TMEM150B: variants seen among roughly 807,000 people sequenced by gnomAD.
TMEM150B encodes modulator of macroautophagy TMEM150B.
TMEM150B carries 33 observed loss-of-function variants against 25.2 expected under a neutral mutation model. That is an observed-to-expected ratio of 1.31 (90% CI 0.99 to 1.75). The LOEUF is 1.75. TMEM150B is among the 40% of genes most tolerant of loss of function. The pLI, the probability that TMEM150B is intolerant of heterozygous loss-of-function variation, is 0.00. For synonymous variants in TMEM150B, 133 were observed against 134.8 expected (o/e 0.99, Z 0.09); for missense variants, 322 against 306.1 (o/e 1.05, Z -0.39).
rs10412726 is a variant in TMEM150B at position 55,321,059 on chromosome 19, T to G, written c.-23A>C. The G allele has an allele frequency of 0.48, 776,842 of 1,608,048 alleles. 192,596 individuals carry two copies. The highest frequency in any genetic ancestry group is 0.55 in the African/African-American group (41,415 of 74,672). The stretch of plus-strand genomic sequence containing the variant: ...CATGCCGGGCTCTGCAGGTGAAGGA[T>G]CGGGGCTGAGGCTGGACACCTGTCT... On this transcript the variant is annotated 5_prime_UTR_variant, in exon 3 of 8. Transcript: ENST00000326652.
intron 1 of TMEM150B, among the ~76,000 whole-genome samples, chr19:55,323,802 C>CTTTTTTTT (rs367630607): frequency 9.9e-6 from 1 of 100,894 alleles, no homozygotes; most frequent in African/African-American, 4.1e-5. Flanking sequence ...TGCGCCCAAC[C>CTTTTTTTT]TTTTTTTTTT....
intron 1 of TMEM150B, among the ~76,000 whole-genome samples, chr19:55,323,883 TG>T (rs1420230778): frequency 6.9e-6 from 1 of 145,044 alleles, no homozygotes; most frequent in Non-Finnish European, 1.5e-5. Context: ...CTTGGCTCAC[TG>T]GGACCTCCAC....
intron 1 of TMEM150B, among the ~76,000 whole-genome samples, chr19:55,323,507 C>CTT (rs952751873): frequency 2.8e-5 from 4 of 144,596 alleles, no homozygotes; most frequent in Non-Finnish European, 6.1e-5. Flanking sequence ...TCGCCTCTTT[C>CTT]TTTTTTTTTT....
intron 7 of TMEM150B, among the ~76,000 whole-genome samples, chr19:55,315,563 C>T (rs1292796854): frequency 1.3e-5 from 2 of 152,116 alleles, no homozygotes; most frequent in African/African-American, 4.8e-5. Flanking sequence ...AGATCAAGAC[C>T]ATCCTGGCTA....
intron 2 of TMEM150B, 149 bp from the exon 3 acceptor site, chr19:55,321,242 C>G (rs1271956284): frequency 8.4e-7 from 1 of 1,185,496 alleles, no homozygotes; most frequent in Non-Finnish European, 1.1e-6. Context: ...CCACCTATCC[C>G]GCAGTGTTCA....
chr19:55,315,920 ACT>A (rs2088984193), intron 7 of TMEM150B, among the ~76,000 whole-genome samples: 2 of 151,936 alleles, frequency 1.3e-5, no homozygotes, highest in Non-Finnish European at 2.9e-5. Context: ...ACAGAGCAAG[ACT>A]CTGTCTCAAA....
At chr19:55,318,674 A>G (rs1282251642) in intron 6 of TMEM150B, among the ~76,000 whole-genome samples, 1 of 152,196 alleles carries the variant, frequency 6.6e-6, no homozygotes, top group Non-Finnish European at 1.5e-5. Flanking sequence ...TCTGTGGTCC[A>G]TGGGCAATGA....
At chr19:55,323,137 A>G (rs2089249059) in intron 1 of TMEM150B, among the ~76,000 whole-genome samples, 1 of 152,224 alleles carries the variant, frequency 6.6e-6, no homozygotes, top group African/African-American at 2.4e-5. Context: ...AGCCATTTTA[A>G]AGTGTACGAC....
intron 6 of TMEM150B, 66 bp from the exon 7 acceptor site, chr19:55,317,032 C>T (rs2089028432): frequency 6.8e-7 from 1 of 1,473,468 alleles, no homozygotes; most frequent in South Asian, 1.3e-5. Flanking sequence ...ACCAGAGGGG[C>T]CAGGGCCCTT....
chr19:55,316,993 G>T lies in TMEM150B; in HGVS notation c.325-27C>A, dbSNP rs374818015. On this transcript the variant is annotated intron_variant, in intron 6 of 7. Transcript: ENST00000326652. ...TGGGAGGAGAAGGGAGAAGTTGGGA[G>T]GGAGACTCTGGGAAGGAGGGTAAGG... 9 of 1,581,086 alleles carry T rather than the reference G, an allele frequency of 5.7e-6. No homozygotes were observed. In the African/African-American group the frequency reaches 1.2e-4, roughly 22 times the overall value.
chr19:55,313,099 G>C, intron 7 of TMEM150B, 44 bp from the exon 8 acceptor site: 1 of 1,551,032 alleles, frequency 6.4e-7, no homozygotes, highest in Non-Finnish European at 8.7e-7. Flanking sequence ...GACAGACGCG[G>C]AGCCCGGCCT....
At chr19:55,314,653 C>A (rs751103202) in intron 7 of TMEM150B, among the ~76,000 whole-genome samples, 2 of 151,340 alleles carry the variant, frequency 1.3e-5, no homozygotes, top group Non-Finnish European at 1.5e-5. Context: ...GCCCCTGTGG[C>A]TAAACTGATC....
chr19:55,310,338 A>T (rs1042244912), downstream of TMEM150B, among the ~76,000 whole-genome samples: 2 of 152,110 alleles, frequency 1.3e-5, no homozygotes, highest in African/African-American at 4.8e-5. The surrounding 1 kb of genome is among the most constrained non-coding windows in gnomAD (Gnocchi z 5.0). Flanking sequence ...CTTCAAAGCC[A>T]GTGACGCCAT....
rs867800168 is a variant in TMEM150B at position 55,312,917 on chromosome 19, G to T, written c.644C>A (p.Pro215Gln). The change falls in exon 8 of 8, where the codon CCG becomes CAG. Residue 215 changes from proline to glutamine, a missense_variant. Coordinates refer to ENST00000326652, the MANE Select transcript of TMEM150B (RefSeq NM_001282011.2). ...CGGCGGGGGGCTGAGGCTGGGCCAC[G>T]GCTGAACACACAGGGTGCAGCTCTC... ...ALESCTLCVQ[P>Q]WPSLSPPPAS... The T allele has an allele frequency of 1.2e-6, 2 of 1,608,414 alleles. No homozygotes were observed. The highest frequency in any genetic ancestry group is 1.7e-6 in the Non-Finnish European group (2 of 1,177,984).
At chr19:55,319,292 T>C (rs775178416) in intron 6 of TMEM150B, among the ~76,000 whole-genome samples, 2 of 151,932 alleles carry the variant, frequency 1.3e-5, no homozygotes, top group Non-Finnish European at 2.9e-5. Flanking sequence ...TTTGTATTTT[T>C]AGTAGAGATG....
chr19:55,322,127 T>C (rs765852269), intron 2 of TMEM150B, among the ~76,000 whole-genome samples: 7 of 152,174 alleles, frequency 4.6e-5, no homozygotes, highest in East Asian at 1.9e-4. Flanking sequence ...TTTGGAGTCA[T>C]GGCCTCTTCC....
In TMEM150B at chr19:55,312,871, C is replaced by T. The variant is rs929546497; in HGVS notation, c.690G>A (p.Pro230=). ...SPPPASPISL[P]VQL ...GTCAGGGTGCCTGCTACAGCTGGAC[C>T]GGCAGGGAGATGGGGGAGGCCGGCG... The change falls in exon 8 of 8, where the codon CCG becomes CCA. Residue 230 remains proline, a synonymous_variant. Transcript: ENST00000326652. 16 of 1,590,734 alleles carry T rather than the reference C, an allele frequency of 1.0e-5. No homozygotes were observed. Among genetic ancestry groups the T allele is most frequent in the East Asian group, 2.3e-5 (1 of 43,650 alleles).
At chr19:55,312,729 GGTCA>G (rs2088839866), downstream of TMEM150B, 2 of 1,076,888 alleles carry the variant, frequency 1.9e-6, no homozygotes, top group Middle Eastern at 3.1e-4. Context: ...TCCGGCTCCA[GGTCA>G]GTCAGCGGCA....
At position 55,319,931 on chromosome 19, in the gene TMEM150B, G is replaced by A. The variant is rs752325090; in HGVS notation, c.324+108C>T. On this transcript the variant is annotated intron_variant, in intron 6 of 7. Coordinates refer to ENST00000326652, the MANE Select transcript of TMEM150B (RefSeq NM_001282011.2). ...GAAAAATACAAGTCCCAGGAGGGCC[G>A]GGCGGGAACCAGCCCCCGAGACAAT... is the stretch of plus-strand genomic sequence containing the variant. 6.5e-6 allele frequency: 10 copies of A among 1,543,720 alleles called. 1 individual carries two copies. The Middle Eastern group carries it at 7.9e-4, about 122-fold the overall frequency.
Sources: gnomAD v4.1 joint callset for allele counts (sites outside exome capture counted in the v4.1 genomes callset) on GRCh38, gnomAD v4.1.1 for gene constraint, Gnocchi (gnomAD v3.1) non-coding constraint, MANE v1.5 for transcripts, NCBI Gene and HGNC (gene_info 2026-07-23, HGNC 2026-07-21) for gene names.